Variants in ENPP2 observed in about 807,000 individuals in gnomAD.
ENPP2 encodes ectonucleotide pyrophosphatase/phosphodiesterase 2.
In ENPP2, 51 loss-of-function variants were observed where a neutral mutation model predicts 120.2. The observed-to-expected ratio is 0.42, with a 90% CI of 0.34 to 0.54. The LOEUF (loss-of-function observed/expected upper bound fraction) is 0.54, where lower values mean the gene tolerates loss of function less well. Among genes scored for constraint, ENPP2 ranks in the 20% least tolerant of loss-of-function variants. The probability of loss-of-function intolerance (pLI) is 0.04; values close to 1 mark genes in which losing one functional copy is unlikely to be tolerated. For synonymous variants in ENPP2, 365 were observed against 366.4 expected, an observed-to-expected ratio of 1.00 and a Z score of 0.04; for missense variants, 920 against 1,066.5, an observed-to-expected ratio of 0.86 and a Z score of 1.91.
intron 19 of ENPP2, among the ~76,000 whole-genome samples, chr8:119,576,383 C>T (rs551254513): frequency 2.6e-5 from 4 of 152,292 alleles, no homozygotes; most frequent in Non-Finnish European, 5.9e-5. Flanking sequence ...GGTGATCCAC[C>T]CACCTCGGCC....
chr8:119,621,518 G>A lies in ENPP2; in HGVS notation c.294C>T (p.Ala98=). ...HDFDELCLKT[A]RGWECTKDRC... ...TGTCCTTAGTACACTCCCAGCCACGGGCTAAAATCATCCCAATAAAACATT... is the reference window on the plus strand; with the variant it reads ...TGTCCTTAGTACACTCCCAGCCACGAGCTAAAATCATCCCAATAAAACATT... The change falls in exon 4 of 25, where the codon GCC becomes GCT. Residue 98 remains alanine, a splice_region_variant and synonymous_variant. Coordinates refer to ENST00000075322, the MANE Select transcript of ENPP2 (RefSeq NM_001040092.3). 1 of 1,612,816 alleles carries A rather than the reference G, an allele frequency of 6.2e-7. No homozygotes were observed. Among genetic ancestry groups the A allele is most frequent in the South Asian group, 1.1e-5 (1 of 91,006 alleles).
chr8:119,585,232 T>C (rs1433753494), intron 15 of ENPP2, among the ~76,000 whole-genome samples: 1 of 152,162 alleles, frequency 6.6e-6, no homozygotes, highest in East Asian at 1.9e-4. Flanking sequence ...CCACAACTGT[T>C]TTAGAAGACT....
intron 1 of ENPP2, among the ~76,000 whole-genome samples, chr8:119,670,447 A>G (rs1818207508): frequency 6.6e-6 from 1 of 152,238 alleles, no homozygotes; most frequent in South Asian, 2.1e-4. Flanking sequence ...AAAATTGCAC[A>G]AAAATTCATT....
At chr8:119,600,046 G>A (rs2326306) in intron 11 of ENPP2, among the ~76,000 whole-genome samples, 42,560 of 150,196 alleles carry the variant, frequency 0.28, 6,606 homozygotes, top group South Asian at 0.5. Flanking sequence ...GCTCTGCTAA[G>A]CAGATTCATT....
At chr8:119,558,847 A>G (rs1210268527) in intron 24 of ENPP2, among the ~76,000 whole-genome samples, 1 of 151,936 alleles carries the variant, frequency 6.6e-6, no homozygotes, top group African/African-American at 2.4e-5. Flanking sequence ...CCCTCATCCA[A>G]CTCTTTACCA....
At chr8:119,561,913 T>C (rs2875904) in intron 24 of ENPP2, among the ~76,000 whole-genome samples, 90,129 of 151,662 alleles carry the variant, frequency 0.59, 27,165 homozygotes, top group South Asian at 0.68. Context: ...CCAAGGTGGG[T>C]GGATCACGAG....
chr8:119,645,360 T>G (rs1817412251), intron 1 of ENPP2, among the ~76,000 whole-genome samples: 1 of 152,222 alleles, frequency 6.6e-6, no homozygotes, highest in Non-Finnish European at 1.5e-5. Context: ...TTTTTGTTCA[T>G]TTCAATCCTT....
chr8:119,590,995 TAAA>T (rs58061193), intron 12 of ENPP2, among the ~76,000 whole-genome samples: 1,153 of 109,956 alleles, frequency 0.01, 12 homozygotes, highest in Non-Finnish European at 0.016. Flanking sequence ...ATCTATTCTT[TAAA>T]AAAAAAAAAA....
chr8:119,636,676 A>G (rs1410075182), intron 2 of ENPP2, among the ~76,000 whole-genome samples: 1 of 152,188 alleles, frequency 6.6e-6, no homozygotes, highest in Non-Finnish European at 1.5e-5. Flanking sequence ...ATAATTTACT[A>G]TACACAAAAT....
intron 1 of ENPP2, among the ~76,000 whole-genome samples, chr8:119,664,424 A>G (rs1038155502): frequency 3.9e-5 from 6 of 152,176 alleles, no homozygotes; most frequent in African/African-American, 1.4e-4. Context: ...CGCTTTGGTC[A>G]GGGTCAAGGA....
intron 1 of ENPP2, among the ~76,000 whole-genome samples, chr8:119,661,991 T>A (rs1817934162): frequency 6.6e-6 from 1 of 151,998 alleles, no homozygotes; most frequent in Non-Finnish European, 1.5e-5. Context: ...AAGCAGAGAA[T>A]AGGATGGTGG....
At chr8:119,665,781 T>C (rs1401415034) in intron 1 of ENPP2, among the ~76,000 whole-genome samples, 2 of 152,234 alleles carry the variant, frequency 1.3e-5, no homozygotes, top group Non-Finnish European at 2.9e-5. Context: ...TTAGCCTTTT[T>C]TTAACTCATG....
chr8:119,613,924 G>T (rs1815283096), intron 8 of ENPP2, among the ~76,000 whole-genome samples: 1 of 151,916 alleles, frequency 6.6e-6, no homozygotes, highest in South Asian at 2.1e-4. Context: ...ATTGTTATTT[G>T]CTATAGTCAC....
upstream of ENPP2, among the ~76,000 whole-genome samples, chr8:119,642,490 G>A (rs1817312627): frequency 2.0e-5 from 3 of 151,994 alleles, no homozygotes; most frequent in Admixed American, 1.3e-4. Flanking sequence ...TCAAAAAAAA[G>A]ATAAGTACCA....
At position 119,557,530 on chromosome 8, in the gene ENPP2, G is replaced by T; in HGVS notation, c.2583C>A (p.Ser861Arg). 2 of 1,611,802 alleles carry T rather than the reference G, an allele frequency of 1.2e-6. No homozygotes were observed. Among genetic ancestry groups the T allele is most frequent in the Non-Finnish European group, 1.7e-6 (2 of 1,179,372 alleles). The change falls in exon 25 of 25, where the codon AGC becomes AGA. Residue 861 changes from serine (S) to arginine (R), a missense_variant. By Grantham distance (110) the Ser-to-Arg change is moderately radical. Transcript: ENST00000075322. ...TLKTYLHTYE[S>R]EI ...GCAGATGCTCAGAAAGTTAAATCTC[G>T]CTCTCATATGTATGCAGGTATGTCT... is the stretch of plus-strand genomic sequence containing the variant.
intron 19 of ENPP2, among the ~76,000 whole-genome samples, chr8:119,579,751 G>A (rs1296365567): frequency 6.6e-6 from 1 of 151,824 alleles, no homozygotes; most frequent in Non-Finnish European, 1.5e-5. Context: ...ACTGACTCTC[G>A]AGGTAGATAC....
chr8:119,657,354 A>G (rs1239574695), intron 1 of ENPP2, among the ~76,000 whole-genome samples: 1 of 152,228 alleles, frequency 6.6e-6, no homozygotes, highest in Admixed American at 6.5e-5. Flanking sequence ...TGATTTTTAC[A>G]CCATACCATG....
Position 119,621,508 on chromosome 8 carries a change from C to G in ENPP2, c.304G>C (p.Glu102Gln), listed in dbSNP as rs1815893972. The G allele has an allele frequency of 6.2e-7, 1 of 1,613,310 alleles. No homozygotes were observed. Among genetic ancestry groups the G allele is most frequent in the Non-Finnish European group, 8.5e-7 (1 of 1,179,454 alleles). The change falls in exon 4 of 25, where the codon GAG (glutamate) becomes CAG (glutamine). Residue 102 changes from glutamate (E) to glutamine (Q), a missense_variant. Coordinates refer to ENST00000075322, the MANE Select transcript of ENPP2 (RefSeq NM_001040092.3). ...ELCLKTARGW[E>Q]CTKDRCGEVR... The stretch of plus-strand genomic sequence containing the variant: ...TCTCCACATCTGTCCTTAGTACACT[C>G]CCAGCCACGGGCTAAAATCATCCCA...
intron 23 of ENPP2, 46 bp downstream of exon 23, chr8:119,564,777 T>C (rs1290775196): frequency 6.3e-7 from 1 of 1,580,344 alleles, no homozygotes; most frequent in Admixed American, 1.8e-5. Context: ...TTGAGTGAGA[T>C]CTTGGGACTT....
Sources: gnomAD v4.1 joint callset for allele counts (sites outside exome capture counted in the v4.1 genomes callset) on GRCh38, gnomAD v4.1.1 for gene constraint, MANE v1.5 for transcripts, NCBI Gene and HGNC (gene_info 2026-07-23, HGNC 2026-07-21) for gene names.